SLC35H1: variants seen among roughly 807,000 people sequenced by gnomAD.
SLC35H1 encodes the protein solute carrier family 35 member H1.
At chr20:46,348,239 A>G in the SLC35H1 span, 5 of 152,190 alleles carry the variant, frequency 3.3e-5, no homozygotes, top group Admixed American at 3.3e-4. Context: ...AAGGGCTGTC[A>G]TTGAACCCAA....
chr20:46,361,139 C>T, the SLC35H1 span, among the ~76,000 whole-genome samples: 4 of 152,146 alleles, frequency 2.6e-5, no homozygotes, highest in Non-Finnish European at 5.9e-5. Flanking sequence ...AGGCATCTCA[C>T]TCACATCTAG....
the SLC35H1 span, chr20:46,357,883 A>C: frequency 8.2e-7 from 1 of 1,218,438 alleles, no homozygotes; most frequent in Non-Finnish European, 1.2e-6. Flanking sequence ...TCGGTGGTTC[A>C]TGAGGACCTT....
chr20:46,356,476 T>C, the SLC35H1 span: 1 of 1,194,442 alleles, frequency 8.4e-7, no homozygotes, highest in Non-Finnish European at 1.2e-6. Flanking sequence ...CCCAGAGTGG[T>C]GGAGTGGCTG....
chr20:46,355,138 C>T, the SLC35H1 span: 1 of 1,614,152 alleles, frequency 6.2e-7, no homozygotes, highest in Non-Finnish European at 8.5e-7. This position sits in a 1 kb window ranked among gnomAD's most constrained non-coding sequence, Gnocchi z 4.8. Flanking sequence ...GAACGAGGCC[C>T]CCAGCACCAA....
the SLC35H1 span, chr20:46,353,016 A>G: frequency 6.6e-6 from 1 of 152,248 alleles, no homozygotes; most frequent in African/African-American, 2.4e-5. Flanking sequence ...CGAAGGACCA[A>G]CAGTGCCCCA....
the SLC35H1 span, chr20:46,352,118 C>A: frequency 6.2e-7 from 1 of 1,614,196 alleles, no homozygotes. Context: ...CTCAGAGAAG[C>A]CCAAACCAAA....
At chr20:46,356,540 T>G in the SLC35H1 span, 1 of 1,611,600 alleles carries the variant, frequency 6.2e-7, no homozygotes, top group Non-Finnish European at 8.5e-7. Context: ...AGCTTCAGCC[T>G]GAAGGGAGGC....
the SLC35H1 span, among the ~76,000 whole-genome samples, chr20:46,355,526 G>T: frequency 6.6e-6 from 1 of 152,108 alleles, no homozygotes; most frequent in Non-Finnish European, 1.5e-5. This position sits in a 1 kb window ranked among gnomAD's most constrained non-coding sequence, Gnocchi z 4.8. Flanking sequence ...TAACACACAG[G>T]GCTACTGCCT....
chr20:46,353,637 C>T, the SLC35H1 span, among the ~76,000 whole-genome samples: 2 of 152,092 alleles, frequency 1.3e-5, no homozygotes, highest in African/African-American at 2.4e-5. Flanking sequence ...GAAGGGAATT[C>T]GGGGAAGAGC....
chr20:46,353,495 G>GT, the SLC35H1 span, among the ~76,000 whole-genome samples: 1 of 152,342 alleles, frequency 6.6e-6, no homozygotes, highest in African/African-American at 2.4e-5. Context: ...AGCTGGACGA[G>GT]TATTTTGAGA....
chr20:46,363,946 C>T, the SLC35H1 span: 1 of 152,436 alleles, frequency 6.6e-6, no homozygotes, highest in Admixed American at 6.5e-5. Context: ...AGCTCCCTTC[C>T]GCAGACCTCC....
the SLC35H1 span, chr20:46,364,014 C>T: frequency 6.6e-6 from 1 of 152,394 alleles, no homozygotes; most frequent in African/African-American, 2.4e-5. Context: ...GGCACTCCCA[C>T]CTCTGACGTT....
At chr20:46,356,366 T>A in the SLC35H1 span, among the ~76,000 whole-genome samples, 2 of 152,170 alleles carry the variant, frequency 1.3e-5, no homozygotes, top group Non-Finnish European at 2.9e-5. Flanking sequence ...GCCTGGCAGG[T>A]GGGCACAGCA....
At chr20:46,359,754 G>A in the SLC35H1 span, among the ~76,000 whole-genome samples, 2 of 152,124 alleles carry the variant, frequency 1.3e-5, no homozygotes, top group Non-Finnish European at 2.9e-5. Flanking sequence ...GCTTCATCTG[G>A]GTGCCCCCCT....
chr20:46,352,056 A>C, the SLC35H1 span: 1 of 1,614,128 alleles, frequency 6.2e-7, no homozygotes, highest in South Asian at 1.1e-5. Context: ...TGTACCTTAA[A>C]AATGCCGGCA....
chr20:46,356,610 A>C, the SLC35H1 span: 1 of 1,614,120 alleles, frequency 6.2e-7, no homozygotes, highest in Non-Finnish European at 8.5e-7. Flanking sequence ...CCAGTTGGAC[A>C]AGCCCACGTC....
the SLC35H1 span, chr20:46,357,612 C>T: frequency 6.2e-7 from 1 of 1,611,484 alleles, no homozygotes; most frequent in South Asian, 1.1e-5. Flanking sequence ...TCACTGAGGT[C>T]CCCCACCTAC....
At chr20:46,346,258 G>A in the SLC35H1 span, 5 of 152,170 alleles carry the variant, frequency 3.3e-5, no homozygotes, top group East Asian at 7.7e-4. Flanking sequence ...ATAACCATGG[G>A]AACAGACGTT....
the SLC35H1 span, chr20:46,354,761 C>G: frequency 5.7e-6 from 5 of 874,636 alleles, no homozygotes; most frequent in South Asian, 8.0e-5. Context: ...CCATGCGCTT[C>G]CAGGGGAGGG....
Sources: gnomAD v4.1 joint callset for allele counts (sites outside exome capture counted in the v4.1 genomes callset) on GRCh38, gnomAD v4.1.1 for gene constraint, Gnocchi (gnomAD v3.1) non-coding constraint, MANE v1.5 for transcripts, NCBI Gene and HGNC (gene_info 2026-07-23, HGNC 2026-07-21) for gene names.